The following PUDP variants were observed in gnomAD, a reference collection of about 807,000 sequenced individuals.
PUDP encodes the protein pseudouridine 5'-phosphatase, also known as pseudouridine-5'-phosphatase.
In PUDP, 8 loss-of-function variants were observed where a neutral mutation model predicts 9.4. The ratio of observed to expected loss-of-function variants is 0.85; its 90% CI spans 0.50 to 1.53. The LOEUF (loss-of-function observed/expected upper bound fraction) is 1.53, where lower values mean the gene tolerates loss of function less well. Ranked by LOEUF, PUDP falls within the 40% of genes most tolerant of loss-of-function variation. PUDP has a pLI of 0.00. For missense variants in PUDP, 188 were observed against 189.7 expected, an observed-to-expected ratio of 0.99 and a Z score of 0.05; for synonymous variants, 99 against 80.7, an observed-to-expected ratio of 1.23 and a Z score of -1.22.
chrX:7,046,702 G>C (rs2146833473), downstream of PUDP, among the ~76,000 whole-genome samples: 1 of 111,954 alleles, frequency 8.9e-6, no homozygotes, highest in South Asian at 3.8e-4. Flanking sequence ...CTTTGCCTAT[G>C]TGAAGGATGA....
At chrX:6,990,059 C>T (rs1474443567) in intron 1 of PUDP, among the ~76,000 whole-genome samples, 1 of 110,347 alleles carries the variant, frequency 9.1e-6, no homozygotes, top group Admixed American at 9.7e-5. Flanking sequence ...CTACTAACTC[C>T]AAACCAACAG....
At chrX:6,823,287 C>T (rs1335393731) in intron 3 of PUDP, among the ~76,000 whole-genome samples, 2 of 112,014 alleles carry the variant, frequency 1.8e-5, no homozygotes, top group Non-Finnish European at 3.8e-5. Context: ...ACAGGTTCAG[C>T]AAACAGATGT....
Position 6,899,673 on chromosome X carries a change from AGATGATGAT to A in PUDP, c.*247+77451_*247+77459del, listed in dbSNP as rs72211121. Among the ~76,000 whole-genome samples the A allele has an allele frequency of 2.9e-3, 303 of 105,351 alleles. 2 individuals are homozygous for A. Among genetic ancestry groups the A allele is most frequent in the African/African-American group, 0.01 (291 of 29,044 alleles). 91.5% of individuals were successfully genotyped at this position (105,351 alleles called of 115,157 possible). On this transcript the variant is annotated intron_variant and NMD_transcript_variant, in intron 3 of 3. Transcript: ENST00000655425. Reference sequence around the variant, plus strand: ...AGCTCGTAAAACAAATCTGTGATAGAGATGATGATGATGATGATGATGATGATGATGATG... The same window carrying A: ...AGCTCGTAAAACAAATCTGTGATAGAGATGATGATGATGATGATGATGATG...
intron 3 of PUDP, among the ~76,000 whole-genome samples, chrX:6,840,562 T>TA (rs369901488): frequency 1.4e-4 from 16 of 111,756 alleles, no homozygotes; most frequent in African/African-American, 5.2e-4. Flanking sequence ...ATAGCAACAG[T>TA]AAAAATATAT....
intron 3 of PUDP, among the ~76,000 whole-genome samples, chrX:6,747,398 T>A (rs770128990): frequency 8.9e-6 from 1 of 112,181 alleles, no homozygotes; most frequent in East Asian, 2.8e-4. Flanking sequence ...CTTGTCAATA[T>A]TAAAAATTCT....
chrX:6,867,277 C>G (rs755114143), intron 3 of PUDP, among the ~76,000 whole-genome samples: 1 of 112,017 alleles, frequency 8.9e-6, no homozygotes, highest in Admixed American at 9.5e-5. Context: ...GTTTTATGTT[C>G]AACAACAAAT....
At chrX:6,881,791 G>A (rs751972778) in intron 3 of PUDP, among the ~76,000 whole-genome samples, 3 of 110,036 alleles carry the variant, frequency 2.7e-5, no homozygotes, top group Non-Finnish European at 5.7e-5. Context: ...AATCATGCAA[G>A]CACAAGGAGG....
In PUDP at chrX:6,720,878, C is replaced by A. The variant is rs564308026; in HGVS notation, n.128+539G>T. Among the ~76,000 whole-genome samples the A allele has an allele frequency of 1.4e-4, 15 of 110,703 alleles. No individual in the cohort carries two copies. The South Asian group carries it at 2.7e-3, about 20-fold the overall frequency. On this transcript the variant is annotated intron_variant and non_coding_transcript_variant, in intron 1 of 2. Transcript: ENST00000438499. The stretch of plus-strand genomic sequence containing the variant: ...TCTATGGCCCTGTGTTCTCTGATTC[C>A]CTCAGTGTCTGTTTCTGGAATCCAA...
intron 2 of PUDP, among the ~76,000 whole-genome samples, chrX:7,093,727 G>C (rs1335997772): frequency 8.9e-6 from 1 of 111,756 alleles, no homozygotes; most frequent in African/African-American, 3.3e-5. Flanking sequence ...TGAATCGAGA[G>C]GTCCTTGAGG....
chrX:6,729,755 T>A (rs780176089), intron 3 of PUDP, among the ~76,000 whole-genome samples: 96 of 111,575 alleles, frequency 8.6e-4, no homozygotes, highest in Admixed American at 7.9e-3. Context: ...CAGTACCAGC[T>A]CACATTCCTT....
intron 3 of PUDP, among the ~76,000 whole-genome samples, chrX:6,838,240 T>A (rs1453408126): frequency 8.9e-6 from 1 of 112,760 alleles, no homozygotes; most frequent in Non-Finnish European, 1.9e-5. Flanking sequence ...TAATTTGTAT[T>A]CTTTCTCTTT....
chrX:6,748,015 C>A (rs1244924991), intron 3 of PUDP, among the ~76,000 whole-genome samples: 1 of 112,161 alleles, frequency 8.9e-6, no homozygotes, highest in Non-Finnish European at 1.9e-5. Context: ...AAAAATAAGT[C>A]TCCTCTGTTT....
intron 3 of PUDP, among the ~76,000 whole-genome samples, chrX:6,832,695 C>T (rs1224892933): frequency 9.0e-6 from 1 of 111,452 alleles, no homozygotes; most frequent in Non-Finnish European, 1.9e-5. Flanking sequence ...GAAGCTAAGC[C>T]CTTCCGGGGA....
At chrX:7,124,926 C>T (rs907905790) in intron 1 of PUDP, among the ~76,000 whole-genome samples, 16 of 108,915 alleles carry the variant, frequency 1.5e-4, no homozygotes, top group Non-Finnish European at 2.9e-4. Context: ...CCAGCCTGGG[C>T]GACAGAGTGA....
intron 1 of PUDP, among the ~76,000 whole-genome samples, chrX:7,026,445 G>A (rs1929711480): frequency 2.7e-5 from 3 of 112,119 alleles, no homozygotes; most frequent in African/African-American, 9.7e-5. Flanking sequence ...CTGCAGAATC[G>A]TGCCCTCAGA....
chrX:6,976,242 G>A (rs1481886041), intron 3 of PUDP, among the ~76,000 whole-genome samples: 4 of 111,506 alleles, frequency 3.6e-5, no homozygotes, highest in African/African-American at 1.3e-4. Flanking sequence ...GGAGCCACTG[G>A]GGTATGAAAA....
chrX:6,928,222 G>A (rs780899605), intron 3 of PUDP, among the ~76,000 whole-genome samples: 2 of 111,423 alleles, frequency 1.8e-5, no homozygotes, highest in Non-Finnish European at 3.8e-5. Flanking sequence ...GTGAATCACC[G>A]CACCTGGCCA....
intron 1 of PUDP, among the ~76,000 whole-genome samples, chrX:7,121,438 C>A (rs1214911418): frequency 1.8e-5 from 2 of 111,879 alleles, no homozygotes; most frequent in Non-Finnish European, 3.8e-5. Flanking sequence ...GGTGAGCGCA[C>A]AAAGTATGGC....
At chrX:7,020,305 C>G (rs371490832) in intron 1 of PUDP, among the ~76,000 whole-genome samples, 3 of 100,966 alleles carry the variant, frequency 3.0e-5, no homozygotes, top group Admixed American at 1.1e-4. Context: ...ACTCAGGTGA[C>G]CATGCTGGGT....
Sources: gnomAD v4.1 joint callset for allele counts (sites outside exome capture counted in the v4.1 genomes callset) on GRCh38, gnomAD v4.1.1 for gene constraint, MANE v1.5 for transcripts, NCBI Gene and HGNC (gene_info 2026-07-23, HGNC 2026-07-21) for gene names.